The following ERICH1 variants were observed in gnomAD, a reference collection of about 807,000 sequenced individuals.
ERICH1 encodes the protein glutamate rich 1.
In ERICH1, 56 loss-of-function variants were observed where a neutral mutation model predicts 39.6. The ratio of observed to expected loss-of-function variants is 1.41; its 90% CI spans 1.14 to 1.77. The LOEUF (loss-of-function observed/expected upper bound fraction) is 1.77, where lower values mean the gene tolerates loss of function less well. Ranked by LOEUF, ERICH1 falls within the 40% of genes most tolerant of loss-of-function variation. The probability of loss-of-function intolerance (pLI) is 0.00; values close to 1 mark genes in which losing one functional copy is unlikely to be tolerated. For missense variants in ERICH1, 826 were observed against 575.4 expected, an observed-to-expected ratio of 1.44 and a Z score of -4.45; for synonymous variants, 313 against 223.6, an observed-to-expected ratio of 1.40 and a Z score of -3.57.
intron 3 of ERICH1, among the ~76,000 whole-genome samples, chr8:685,413 T>C (rs62487403): frequency 0.044 from 6,687 of 152,216 alleles, 239 homozygotes; most frequent in African/African-American, 0.1. Flanking sequence ...TACGAACAAT[T>C]TGTGCAGTTA....
At chr8:622,369 T>C (rs568278056) in intron 3 of ERICH1, among the ~76,000 whole-genome samples, 1 of 152,258 alleles carries the variant, frequency 6.6e-6, no homozygotes, top group East Asian at 1.9e-4. Context: ...GAGGGCCCTG[T>C]GAAAATGAAT....
chr8:705,071 A>C (rs1812955271), intron 2 of ERICH1, among the ~76,000 whole-genome samples: 1 of 152,270 alleles, frequency 6.6e-6, no homozygotes, highest in African/African-American at 2.4e-5. Context: ...AAATGGAATT[A>C]TCAACACTCT....
At chr8:698,191 C>T (rs1452756129) in intron 2 of ERICH1, among the ~76,000 whole-genome samples, 1 of 151,648 alleles carries the variant, frequency 6.6e-6, no homozygotes, top group African/African-American at 2.4e-5. Flanking sequence ...AAACTACCCT[C>T]CAGAAAGGCC....
At chr8:637,605 AAAG>A (rs1414103251) in intron 3 of ERICH1, 3 of 152,450 alleles carry the variant, frequency 2.0e-5, no homozygotes, top group Admixed American at 6.5e-5. Flanking sequence ...GCTGAATTCA[AAAG>A]AAGAGGGCAG....
chr8:644,024 G>C (rs1223033988), intron 3 of ERICH1, among the ~76,000 whole-genome samples: 2 of 152,216 alleles, frequency 1.3e-5, no homozygotes, highest in African/African-American at 4.8e-5. Flanking sequence ...GGGCTTGGTG[G>C]GGGCGCACAC....
chr8:700,322 C>G (rs997100350), intron 2 of ERICH1, among the ~76,000 whole-genome samples: 1 of 112,816 alleles, frequency 8.9e-6, no homozygotes, highest in Non-Finnish European at 2.0e-5. Context: ...CGCACACGCG[C>G]ACAGGCCCGC....
At chr8:651,131 C>T (rs1799894344) in intron 3 of ERICH1, among the ~76,000 whole-genome samples, 1 of 152,206 alleles carries the variant, frequency 6.6e-6, no homozygotes, top group South Asian at 2.1e-4. Flanking sequence ...AACATTGATA[C>T]TGCATTTCAG....
rs575723830 is a variant in ERICH1, at chr8:615,168, C to T, written c.*55G>A. The T allele has an allele frequency of 6.0e-5, 38 of 633,034 alleles. 2 individuals carry two copies. The South Asian group carries it at 6.1e-4, about 10-fold the overall frequency. The allele number at this position is 633,034 out of a possible 1,614,324, so 39.2% of individuals were successfully genotyped here. On this transcript the variant is annotated 3_prime_UTR_variant, in exon 4 of 4. Coordinates refer to the ERICH1 transcript ENST00000522706. The stretch of plus-strand genomic sequence containing the variant: ...TTAAAAAGTTACTATCACACAAAGT[C>T]GAAAGTAGACAGTTCCTCTTGACCT...
chr8:650,786 C>G (rs1368690101), intron 3 of ERICH1, among the ~76,000 whole-genome samples: 4 of 152,338 alleles, frequency 2.6e-5, no homozygotes, highest in Middle Eastern at 3.4e-3. Context: ...GAGCCGAGAC[C>G]TGACCTGATA....
intron 3 of ERICH1, among the ~76,000 whole-genome samples, chr8:622,724 G>T (rs1282017153): frequency 6.6e-6 from 1 of 152,094 alleles, no homozygotes; most frequent in Admixed American, 6.5e-5. Context: ...AGGCTGAGGT[G>T]GGAGGATCAC....
At chr8:678,284 G>GA (rs1805319598) in intron 3 of ERICH1, among the ~76,000 whole-genome samples, 2 of 152,178 alleles carry the variant, frequency 1.3e-5, no homozygotes, top group South Asian at 4.1e-4. Flanking sequence ...GAGGAGGCTT[G>GA]AAAATCCAGC....
intron 1 of ERICH1, among the ~76,000 whole-genome samples, chr8:730,777 G>A (rs1055928973): frequency 6.6e-6 from 1 of 152,160 alleles, no homozygotes; most frequent in African/African-American, 2.4e-5. Context: ...GCCCCACCCC[G>A]GAGCCCTGGG....
intron 1 of ERICH1, among the ~76,000 whole-genome samples, chr8:727,650 T>C (rs1819087027): frequency 6.6e-6 from 1 of 152,156 alleles, no homozygotes; most frequent in Non-Finnish European, 1.5e-5. Flanking sequence ...CAGCACATGT[T>C]CCCCAGGCTG....
chr8:693,650 C>T (rs556102211), intron 2 of ERICH1, among the ~76,000 whole-genome samples: 16 of 151,718 alleles, frequency 1.1e-4, no homozygotes, highest in African/African-American at 3.1e-4. Context: ...TCACCACCAC[C>T]GTGGACGGTG....
intron 3 of ERICH1, among the ~76,000 whole-genome samples, chr8:634,183 A>AAACAAACAAACAAAAAACAAAC (rs1554481907): frequency 0.015 from 2,093 of 135,636 alleles, 38 homozygotes; most frequent in African/African-American, 0.045. Flanking sequence ...AAAAAAAAAA[A>AAACAAACAAACAAAAAACAAAC]AAACAAACAA....
At chr8:709,464 C>G (rs1001149116) in intron 2 of ERICH1, among the ~76,000 whole-genome samples, 5 of 152,236 alleles carry the variant, frequency 3.3e-5, no homozygotes, top group African/African-American at 1.2e-4. Flanking sequence ...GGACACGGCT[C>G]CAACTGTTCA....
At chr8:728,038 G>C (rs965420640) in intron 1 of ERICH1, among the ~76,000 whole-genome samples, 1 of 152,190 alleles carries the variant, frequency 6.6e-6, no homozygotes, top group African/African-American at 2.4e-5. Flanking sequence ...CCCTGGGACG[G>C]GGCTCCCGCC....
chr8:673,080 C>T (rs575670842), intron 4 of ERICH1, among the ~76,000 whole-genome samples: 145 of 152,374 alleles, frequency 9.5e-4, no homozygotes, highest in African/African-American at 3.1e-3. Context: ...TCCACATCAT[C>T]GGTGGAAAGC....
At chr8:701,984 T>C (rs1812247047) in intron 2 of ERICH1, among the ~76,000 whole-genome samples, 1 of 144,890 alleles carries the variant, frequency 6.9e-6, no homozygotes, top group Non-Finnish European at 1.5e-5. Context: ...GGCTGAGGCA[T>C]GAGAATCGCT....
Sources: gnomAD v4.1 joint callset for allele counts (sites outside exome capture counted in the v4.1 genomes callset) on GRCh38, gnomAD v4.1.1 for gene constraint, MANE v1.5 for transcripts, NCBI Gene and HGNC (gene_info 2026-07-23, HGNC 2026-07-21) for gene names.